TMEM117: variants seen among roughly 807,000 people sequenced by gnomAD.
TMEM117 encodes the protein transmembrane protein 117.
In TMEM117, 27 loss-of-function variants were observed where a neutral mutation model predicts 52.4. That is an observed-to-expected ratio of 0.51 (90% CI 0.38 to 0.71). The LOEUF is 0.71. Among genes scored for constraint, TMEM117 ranks in the 30% least tolerant of loss-of-function variants. The pLI, the probability that TMEM117 is intolerant of heterozygous loss-of-function variation, is 0.00. For missense variants in TMEM117, 556 were observed against 630.5 expected, an observed-to-expected ratio of 0.88 and a Z score of 1.26; for synonymous variants, 215 against 206.3, an observed-to-expected ratio of 1.04 and a Z score of -0.36.
intron 3 of TMEM117, among the ~76,000 whole-genome samples, chr12:44,140,815 T>C (rs904468166): frequency 6.6e-6 from 1 of 152,064 alleles, no homozygotes; most frequent in Non-Finnish European, 1.5e-5. Context: ...TGAACTCTAA[T>C]AGAGTCCTCA....
chr12:44,074,278 T>C (rs565045576), intron 3 of TMEM117, among the ~76,000 whole-genome samples: 2 of 152,252 alleles, frequency 1.3e-5, no homozygotes, highest in African/African-American at 4.8e-5. Flanking sequence ...TATTAATAAT[T>C]AGACTAAGAC....
chr12:44,391,471 T>C (rs1952161520), downstream of TMEM117, among the ~76,000 whole-genome samples: 1 of 152,164 alleles, frequency 6.6e-6, no homozygotes. Flanking sequence ...TTTTTTTTAT[T>C]TTTGTAGTAT....
At chr12:43,898,048 G>GCACA (rs113886918) in intron 2 of TMEM117, among the ~76,000 whole-genome samples, 54 of 146,868 alleles carry the variant, frequency 3.7e-4, no homozygotes, top group African/African-American at 1.3e-3. Context: ...ACACACGCAC[G>GCACA]CACACACACA....
Position 44,277,966 on chromosome 12 carries a change from G to T in TMEM117, c.609-21614G>T, listed in dbSNP as rs145483558. Among the ~76,000 whole-genome samples the T allele has an allele frequency of 3.6e-3, 551 of 151,992 alleles. 3 individuals are homozygous for T. The highest frequency in any genetic ancestry group is 0.014 in the East Asian group (74 of 5,144). On this transcript the variant is annotated intron_variant, in intron 5 of 7. Coordinates refer to ENST00000266534, the MANE Select transcript of TMEM117 (RefSeq NM_032256.3). ...TTTAGTAGAGATGGGGTTTCACCAT[G>T]TTGGTCAGGCTGGTCTCGAACTCCT...
At chr12:43,930,594 G>GCT (rs1414562191) in intron 2 of TMEM117, among the ~76,000 whole-genome samples, 1 of 152,106 alleles carries the variant, frequency 6.6e-6, no homozygotes. Context: ...TGCCTTGCTT[G>GCT]CTTTTTGATG....
At position 44,125,681 on chromosome 12, in the gene TMEM117, AT is replaced by A. The variant is rs569439710; in HGVS notation, c.411-17838del. The stretch of plus-strand genomic sequence containing the variant: ...AGAAAACCAGCTCCTGGATTCATTT[AT>A]TTTTTGAAGTTCTTTTTCTGTCTCT... On this transcript the variant is annotated intron_variant, in intron 3 of 7. Transcript: ENST00000266534. Among the ~76,000 whole-genome samples, 28 of 152,024 alleles carry A rather than the reference AT, an allele frequency of 1.8e-4. No homozygotes were observed. The South Asian group carries it at 5.6e-3, about 30-fold the overall frequency.
At chr12:44,102,536 C>T (rs1430272972) in intron 3 of TMEM117, among the ~76,000 whole-genome samples, 1 of 151,928 alleles carries the variant, frequency 6.6e-6, no homozygotes, top group Non-Finnish European at 1.5e-5. Flanking sequence ...ATTTCTCCCT[C>T]TCCTTTTTCT....
At chr12:43,809,430 T>C in the TMEM117 span, among the ~76,000 whole-genome samples, 4 of 152,252 alleles carry the variant, frequency 2.6e-5, no homozygotes, top group African/African-American at 9.6e-5. Context: ...GTCATACCCA[T>C]GTCTCATGGT....
intron 5 of TMEM117, among the ~76,000 whole-genome samples, chr12:44,246,177 A>G (rs1204192353): frequency 1.3e-5 from 2 of 152,126 alleles, no homozygotes; most frequent in Non-Finnish European, 2.9e-5. Context: ...TTATTTTTGC[A>G]AGTACAGTAA....
chr12:43,809,429 A>T, the TMEM117 span, among the ~76,000 whole-genome samples: 1 of 152,238 alleles, frequency 6.6e-6, no homozygotes, highest in African/African-American at 2.4e-5. Context: ...TGTCATACCC[A>T]TGTCTCATGG....
chr12:43,978,935 T>C (rs113254957), intron 3 of TMEM117, among the ~76,000 whole-genome samples: 1,549 of 151,184 alleles, frequency 0.01, 25 homozygotes, highest in East Asian at 0.035. Context: ...AAACAAACAA[T>C]TGGACTGAAT....
At chr12:43,934,577 T>C (rs907928180) in intron 2 of TMEM117, among the ~76,000 whole-genome samples, 1 of 152,202 alleles carries the variant, frequency 6.6e-6, no homozygotes, top group Non-Finnish European at 1.5e-5. Flanking sequence ...ATTCATGCTG[T>C]TTCTAACCAT....
At chr12:43,999,600 C>G (rs1330902066) in intron 3 of TMEM117, among the ~76,000 whole-genome samples, 1 of 152,122 alleles carries the variant, frequency 6.6e-6, no homozygotes, top group African/African-American at 2.4e-5. Context: ...ACCTCAGCCT[C>G]CCAAGTAGGT....
chr12:43,949,974 A>G (rs991423373), intron 3 of TMEM117, among the ~76,000 whole-genome samples: 1 of 152,150 alleles, frequency 6.6e-6, no homozygotes, highest in African/African-American at 2.4e-5. Context: ...CCCCTCCCCA[A>G]ATAACTTGAA....
At chr12:44,246,932 A>T (rs575968997) in intron 5 of TMEM117, among the ~76,000 whole-genome samples, 2 of 152,332 alleles carry the variant, frequency 1.3e-5, no homozygotes, top group South Asian at 4.1e-4. Context: ...CATCCTGCAC[A>T]GAGTTTTGAG....
intron 6 of TMEM117, among the ~76,000 whole-genome samples, chr12:44,346,846 G>T (rs1951494174): frequency 6.6e-6 from 1 of 152,066 alleles, no homozygotes; most frequent in Non-Finnish European, 1.5e-5. Context: ...GCTCACTGAA[G>T]TGGCAAAATG....
chr12:43,964,607 C>T (rs1176108267), intron 3 of TMEM117, among the ~76,000 whole-genome samples: 4 of 152,100 alleles, frequency 2.6e-5, no homozygotes, highest in Admixed American at 6.6e-5. Context: ...TCCAACTATA[C>T]GTCATAGTGA....
the TMEM117 span, among the ~76,000 whole-genome samples, chr12:43,825,180 A>T: frequency 6.6e-6 from 1 of 152,232 alleles, no homozygotes; most frequent in Admixed American, 6.5e-5. Context: ...ACTCAGCTGA[A>T]GTTTTAAAGT....
At chr12:44,262,399 T>C (rs1950330452) in intron 5 of TMEM117, among the ~76,000 whole-genome samples, 1 of 152,224 alleles carries the variant, frequency 6.6e-6, no homozygotes, top group African/African-American at 2.4e-5. Flanking sequence ...AAGGATCCTG[T>C]GGTTATTCTG....
Sources: gnomAD v4.1 joint callset for allele counts (sites outside exome capture counted in the v4.1 genomes callset) on GRCh38, gnomAD v4.1.1 for gene constraint, MANE v1.5 for transcripts, NCBI Gene and HGNC (gene_info 2026-07-23, HGNC 2026-07-21) for gene names.